The following BLTP3B variants were observed in gnomAD, a reference collection of about 807,000 sequenced individuals.
The protein encoded by BLTP3B is bridge-like lipid transfer protein family member 3B, also known as UHRF1 (ICBP90) binding protein 1-like.
the BLTP3B span, among the ~76,000 whole-genome samples, chr12:100,110,514 A>G: frequency 1.3e-5 from 2 of 152,200 alleles, no homozygotes; most frequent in Admixed American, 6.5e-5. Flanking sequence ...GTATTTATTG[A>G]GAATTCATTA....
At chr12:100,090,448 T>C in the BLTP3B span, among the ~76,000 whole-genome samples, 1 of 152,176 alleles carries the variant, frequency 6.6e-6, no homozygotes, top group Non-Finnish European at 1.5e-5. Context: ...TGAATTTTTA[T>C]AATAATTATA....
At chr12:100,095,705 T>C in the BLTP3B span, 12 of 1,613,536 alleles carry the variant, frequency 7.4e-6, no homozygotes, top group Non-Finnish European at 1.0e-5. Flanking sequence ...CTTTGTTCTG[T>C]TGATTTTTCT....
chr12:100,043,027 G>A, the BLTP3B span, among the ~76,000 whole-genome samples: 4 of 152,230 alleles, frequency 2.6e-5, no homozygotes, highest in South Asian at 2.1e-4. Flanking sequence ...TTGAACTCTC[G>A]ACCTTAGGTG....
At chr12:100,098,535 G>A in the BLTP3B span, 755 of 1,602,676 alleles carry the variant, frequency 4.7e-4, no homozygotes, top group African/African-American at 6.3e-4. Context: ...CAGCAAAGCC[G>A]TATTCACTGG....
At chr12:100,059,013 T>A in the BLTP3B span, 5 of 1,614,160 alleles carry the variant, frequency 3.1e-6, no homozygotes, top group Non-Finnish European at 4.2e-6. Flanking sequence ...ATCACTAGAT[T>A]CACTTTGTGA....
chr12:100,079,533 G>A, the BLTP3B span, among the ~76,000 whole-genome samples: 10 of 152,262 alleles, frequency 6.6e-5, no homozygotes, highest in South Asian at 2.1e-3. Flanking sequence ...GCATTCAAGG[G>A]TGACTTGGGT....
At chr12:100,111,934 G>A in the BLTP3B span, among the ~76,000 whole-genome samples, 3 of 151,782 alleles carry the variant, frequency 2.0e-5, no homozygotes, top group Admixed American at 2.0e-4. Flanking sequence ...TAAAGACAGG[G>A]ACTCACTATG....
chr12:100,079,891 C>T, the BLTP3B span, among the ~76,000 whole-genome samples: 1 of 152,234 alleles, frequency 6.6e-6, no homozygotes, highest in African/African-American at 2.4e-5. Context: ...ATGAAAGGGG[C>T]CAACACAGAG....
At chr12:100,128,718 A>C in the BLTP3B span, 1 of 1,288,110 alleles carries the variant, frequency 7.8e-7, no homozygotes, top group Non-Finnish European at 1.0e-6. Context: ...CACAGCCAGC[A>C]GGGAACGCTG....
At chr12:100,123,495 C>G in the BLTP3B span, among the ~76,000 whole-genome samples, 1 of 152,140 alleles carries the variant, frequency 6.6e-6, no homozygotes, top group East Asian at 1.9e-4. Flanking sequence ...GCTGTGTGCC[C>G]TCTAATTCAG....
At chr12:100,125,149 T>C in the BLTP3B span, among the ~76,000 whole-genome samples, 1 of 148,598 alleles carries the variant, frequency 6.7e-6, no homozygotes, top group Non-Finnish European at 1.5e-5. Flanking sequence ...CCGGCCAACA[T>C]GGTGAAACCC....
chr12:100,061,837 TA>T, the BLTP3B span, among the ~76,000 whole-genome samples: 1 of 152,124 alleles, frequency 6.6e-6, no homozygotes, highest in Non-Finnish European at 1.5e-5. Flanking sequence ...ATACATGCAT[TA>T]AAAACAAGAC....
the BLTP3B span, among the ~76,000 whole-genome samples, chr12:100,132,044 G>C: frequency 1.3e-5 from 2 of 152,094 alleles, no homozygotes; most frequent in Non-Finnish European, 2.9e-5. Context: ...TACCCGCCTT[G>C]GCCTCCCAAA....
the BLTP3B span, among the ~76,000 whole-genome samples, chr12:100,090,395 T>G: frequency 2.0e-5 from 3 of 152,208 alleles, no homozygotes; most frequent in Non-Finnish European, 4.4e-5. Flanking sequence ...TATACATAAC[T>G]ATAATGTAAG....
At chr12:100,112,080 T>C in the BLTP3B span, among the ~76,000 whole-genome samples, 1 of 152,172 alleles carries the variant, frequency 6.6e-6, no homozygotes, top group Non-Finnish European at 1.5e-5. Context: ...TCTGTATAAG[T>C]ATTCTATAAC....
chr12:100,047,841 G>A, the BLTP3B span: 5 of 1,208,438 alleles, frequency 4.1e-6, no homozygotes, highest in East Asian at 2.6e-5. Flanking sequence ...TTTAATAAAT[G>A]CTGATAGAAT....
At chr12:100,102,694 T>C in the BLTP3B span, 1 of 1,109,862 alleles carries the variant, frequency 9.0e-7, no homozygotes, top group Non-Finnish European at 1.3e-6. Context: ...CCATTTGAGG[T>C]TAAGGCTTTT....
the BLTP3B span, among the ~76,000 whole-genome samples, chr12:100,102,263 C>A: frequency 6.6e-6 from 1 of 152,064 alleles, no homozygotes; most frequent in African/African-American, 2.4e-5. Flanking sequence ...GTGCATGGCG[C>A]CATGCCCAGC....
At chr12:100,069,694 T>G in the BLTP3B span, among the ~76,000 whole-genome samples, 5 of 151,820 alleles carry the variant, frequency 3.3e-5, no homozygotes, top group African/African-American at 4.8e-5. Flanking sequence ...CAATGGACTT[T>G]GAGGACTCAG....
Sources: allele counts gnomAD v4.1 joint callset (sites outside exome capture counted in the v4.1 genomes callset), GRCh38; gene constraint gnomAD v4.1.1; transcripts MANE v1.5; gene names NCBI Gene and HGNC (gene_info 2026-07-23, HGNC 2026-07-21).